The following SHANK2 variants were observed in gnomAD, a reference collection of about 807,000 sequenced individuals.
SHANK2 encodes the protein SH3 and multiple ankyrin repeat domains protein 2.
In SHANK2, 43 loss-of-function variants were observed where a neutral mutation model predicts 133.7. The observed-to-expected ratio is 0.32, with a 90% CI of 0.25 to 0.41. The LOEUF (loss-of-function observed/expected upper bound fraction) is 0.41. SHANK2 is among the 10% of genes least tolerant of loss of function. The pLI is 1.00. For synonymous variants in SHANK2, 1,017 were observed against 952.8 expected, an observed-to-expected ratio of 1.07 and a Z score of -1.24; for missense variants, 1,994 against 2,235.8, an observed-to-expected ratio of 0.89 and a Z score of 2.18.
chr11:70,867,168 T>A (rs766480466), intron 11 of SHANK2, among the ~76,000 whole-genome samples: 3 of 149,082 alleles, frequency 2.0e-5, no homozygotes, highest in Non-Finnish European at 3.0e-5. Flanking sequence ...GGGTAGTGGA[T>A]CCCCACTCTG....
chr11:70,696,174 G>A (rs1945387384), intron 15 of SHANK2, among the ~76,000 whole-genome samples: 1 of 152,146 alleles, frequency 6.6e-6, no homozygotes, highest in Admixed American at 6.5e-5. Context: ...AGTATGGGGA[G>A]CTCACTACCT....
intron 8 of SHANK2, among the ~76,000 whole-genome samples, chr11:71,081,860 C>A (rs1014730235): frequency 6.6e-6 from 1 of 152,222 alleles, no homozygotes; most frequent in Non-Finnish European, 1.5e-5. Flanking sequence ...CAGGGGCAGA[C>A]CCTGAGCCCC....
intron 18 of SHANK2, 66 bp downstream of exon 18, chr11:70,502,730 T>TTCCCCCCC: frequency 2.6e-6 from 2 of 772,450 alleles, no homozygotes. Flanking sequence ...CCAGCTGTCC[T>TTCCCCCCC]GCCCGCCCCC....
intron 17 of SHANK2, among the ~76,000 whole-genome samples, chr11:70,642,526 C>A (rs1555006714): frequency 6.6e-6 from 1 of 152,214 alleles, no homozygotes; most frequent in African/African-American, 2.4e-5. Context: ...GGCGGCTCAG[C>A]CTGTCTAATC....
chr11:71,085,674 T>TA (rs1447042789), intron 8 of SHANK2, among the ~76,000 whole-genome samples: 54,981 of 74,708 alleles, frequency 0.74, 20,660 homozygotes, highest in Middle Eastern at 0.84. Flanking sequence ...ATATATGTTA[T>TA]ATATATAATA....
intron 11 of SHANK2, among the ~76,000 whole-genome samples, chr11:70,850,629 T>A (rs1949071368): frequency 1.3e-5 from 2 of 152,164 alleles, no homozygotes; most frequent in South Asian, 4.1e-4. Context: ...GATCTAAGTG[T>A]AGTGGGGGCT....
chr11:70,484,207 T>C (rs2058771948), intron 25 of SHANK2, among the ~76,000 whole-genome samples: 1 of 152,202 alleles, frequency 6.6e-6, no homozygotes, highest in Admixed American at 6.5e-5. Context: ...TGAGCCCTGA[T>C]ACGGTTTGGA....
chr11:71,147,316 C>T lies in SHANK2; in HGVS notation c.11G>A (p.Ser4Asn). 1 of 1,549,992 alleles carries T rather than the reference C, an allele frequency of 6.5e-7. No homozygotes were observed. Among genetic ancestry groups the T allele is most frequent in the Non-Finnish European group, 8.7e-7 (1 of 1,146,214 alleles). The part of the protein sequence containing the change: MPR[S>N]PTSSEDEMAQ... ...CATCTCGTCCTCGCTGGATGTTGGG[C>T]TGCGCGGCATGGCTGCCTGTGTCTT... Residue 4 changes from serine (S) to asparagine (N), a missense_variant, in exon 3 of 26, where the codon AGC becomes AAC. Ser to Asn is a conservative substitution (Grantham distance 46). This residue lies in a region of SHANK2 where 653 missense variants were observed against 563.4 expected (regional missense o/e 1.16). Transcript: ENST00000601538.
At chr11:70,767,966 C>A (rs1304972306) in intron 14 of SHANK2, among the ~76,000 whole-genome samples, 1 of 152,116 alleles carries the variant, frequency 6.6e-6, no homozygotes, top group Non-Finnish European at 1.5e-5. Flanking sequence ...GTCTCCCCTG[C>A]CTGACTCTGC....
At position 70,826,991 on chromosome 11, in the gene SHANK2, TA is replaced by T. The variant is rs79706629; in HGVS notation, c.1175-6310del. Among the ~76,000 whole-genome samples the T allele has an allele frequency of 7.3e-3, 1,106 of 152,244 alleles. 14 individuals are homozygous for T. The highest frequency in any genetic ancestry group is 0.026 in the African/African-American group (1,067 of 41,538). On this transcript the variant is annotated intron_variant, in intron 11 of 25. Coordinates refer to ENST00000601538, the MANE Select transcript of SHANK2 (RefSeq NM_012309.5). ...ACTGCACTGTGCTTTTCTATTTTTT[TA>T]AAAAAAAATTTTTTTAAAGAAAAAG... is the stretch of plus-strand genomic sequence containing the variant.
At chr11:70,632,288 ATT>A (rs369095866) in intron 17 of SHANK2, among the ~76,000 whole-genome samples, 1 of 148,848 alleles carries the variant, frequency 6.7e-6, no homozygotes, top group Non-Finnish European at 1.5e-5. Flanking sequence ...CGCCCGGCTA[ATT>A]TTTTTTTTGT....
intron 2 of SHANK2, among the ~76,000 whole-genome samples, chr11:71,152,900 T>C (rs1952824279): frequency 6.6e-6 from 1 of 151,976 alleles, no homozygotes; most frequent in South Asian, 2.1e-4. Context: ...AATTATTAAC[T>C]CCCGGGGAGA....
intron 17 of SHANK2, among the ~76,000 whole-genome samples, chr11:70,532,798 A>G (rs1461162875): frequency 6.6e-6 from 1 of 152,200 alleles, no homozygotes; most frequent in East Asian, 1.9e-4. Flanking sequence ...TCTTAGACCG[A>G]CACGTGCGCA....
At chr11:70,816,249 C>T (rs1164091888) in intron 12 of SHANK2, among the ~76,000 whole-genome samples, 1 of 152,272 alleles carries the variant, frequency 6.6e-6, no homozygotes, top group Non-Finnish European at 1.5e-5. Flanking sequence ...CCCCACTTTA[C>T]ACAGGAGAAA....
In SHANK2 at chr11:71,140,053, C is replaced by T. The variant is rs183561621; in HGVS notation, c.207+7067G>A. Among the ~76,000 whole-genome samples the T allele has an allele frequency of 9.2e-5, 14 of 152,312 alleles. No homozygotes were observed. In the East Asian group the frequency reaches 1.4e-3, roughly 15 times the overall value. On this transcript the variant is annotated intron_variant, in intron 3 of 25. Coordinates refer to ENST00000601538, the MANE Select transcript of SHANK2 (RefSeq NM_012309.5). ...CTCGGCAGCTCCTGGCTGGCTCCTC[C>T]GGGCAGGGTTCCAGGAACTGTCTCG... is the stretch of plus-strand genomic sequence containing the variant.
chr11:71,209,890 G>A (rs1236032046), intron 2 of SHANK2, among the ~76,000 whole-genome samples: 1 of 151,992 alleles, frequency 6.6e-6, no homozygotes, highest in Non-Finnish European at 1.5e-5. Context: ...AGCAGGACGT[G>A]TCCATTCTTC....
At chr11:70,647,993 T>G (rs1368542424) in intron 17 of SHANK2, among the ~76,000 whole-genome samples, 3 of 152,208 alleles carry the variant, frequency 2.0e-5, no homozygotes, top group African/African-American at 7.2e-5. Flanking sequence ...AACCATAAGT[T>G]AGAAACAGCC....
chr11:70,871,508 C>A (rs1262701147), intron 11 of SHANK2, among the ~76,000 whole-genome samples: 4 of 152,226 alleles, frequency 2.6e-5, no homozygotes, highest in Non-Finnish European at 5.9e-5. Flanking sequence ...CATCTGTGTG[C>A]CATGGAGCCT....
chr11:71,168,847 G>C (rs1437436075), intron 2 of SHANK2, among the ~76,000 whole-genome samples: 1 of 151,938 alleles, frequency 6.6e-6, no homozygotes, highest in East Asian at 1.9e-4. Flanking sequence ...ACTTCTAAAA[G>C]TAATCAATAT....
Sources: gnomAD v4.1 joint callset for allele counts (sites outside exome capture counted in the v4.1 genomes callset) on GRCh38, gnomAD v4.1.1 for gene constraint, gnomAD v4.1.1 regional missense constraint, MANE v1.5 for transcripts, NCBI Gene and HGNC (gene_info 2026-07-23, HGNC 2026-07-21) for gene names.